ETS1: variants seen among roughly 807,000 people sequenced by gnomAD.
ETS1 encodes the protein ETS proto-oncogene 1, transcription factor.
Under a neutral mutation model 58.6 loss-of-function variants are expected in ETS1, and 15 were observed. The observed-to-expected ratio is 0.26, with a 90% CI of 0.17 to 0.39. The LOEUF is 0.39. Ranked by LOEUF, ETS1 falls within the 10% of genes least tolerant of loss-of-function variation. The pLI is 1.00. For missense variants in ETS1, 417 were observed against 610.5 expected (o/e 0.68, Z 3.34); for synonymous variants, 214 against 218.2 (o/e 0.98, Z 0.17).
chr11:128,515,251 G>A (rs1863491377), intron 3 of ETS1, among the ~76,000 whole-genome samples: 1 of 147,892 alleles, frequency 6.8e-6, no homozygotes, highest in South Asian at 2.2e-4. Context: ...TTATCTCTCT[G>A]TCACACACAC....
At chr11:128,522,466 A>C in intron 3 of ETS1, 1 of 544,428 alleles carries the variant, frequency 1.8e-6, no homozygotes, top group Non-Finnish European at 2.3e-6. Flanking sequence ...CAGGGCGGGG[A>C]GCCGGGGGCG....
At chr11:128,521,286 T>C (rs571982942) in intron 3 of ETS1, among the ~76,000 whole-genome samples, 2 of 152,336 alleles carry the variant, frequency 1.3e-5, no homozygotes, top group East Asian at 3.9e-4. Flanking sequence ...GAAAAATTTA[T>C]GGCAGATTAG....
At chr11:128,565,129 C>T (rs1333872412) in intron 2 of ETS1, among the ~76,000 whole-genome samples, 1 of 151,624 alleles carries the variant, frequency 6.6e-6, no homozygotes, top group Non-Finnish European at 1.5e-5. Context: ...TGTAAAACAC[C>T]AATGTGATAA....
At chr11:128,548,117 A>AAAGGT (rs1565405232) in intron 3 of ETS1, among the ~76,000 whole-genome samples, 1 of 77,768 alleles carries the variant, frequency 1.3e-5, no homozygotes, top group Admixed American at 1.5e-4. Flanking sequence ...AAAGGGAAGG[A>AAAGGT]AAGGAAAGGA....
intron 8 of ETS1, among the ~76,000 whole-genome samples, chr11:128,470,437 C>T (rs1160091180): frequency 1.3e-5 from 2 of 152,128 alleles, no homozygotes; most frequent in Non-Finnish European, 2.9e-5. Flanking sequence ...TCTCTCTGGG[C>T]TTTACTTTTT....
intron 3 of ETS1, among the ~76,000 whole-genome samples, chr11:128,544,521 T>C (rs1474892242): frequency 6.6e-6 from 1 of 151,764 alleles, no homozygotes; most frequent in East Asian, 1.9e-4. Flanking sequence ...TCAAAGACAT[T>C]GCAATTCCAT....
At chr11:128,494,091 A>G (rs1189330935) in intron 3 of ETS1, among the ~76,000 whole-genome samples, 1 of 152,254 alleles carries the variant, frequency 6.6e-6, no homozygotes, top group East Asian at 1.9e-4. Context: ...CACTACCTCC[A>G]TAGACATTAA....
chr11:128,558,667 A>C (rs1382644950), intron 2 of ETS1, among the ~76,000 whole-genome samples: 5 of 2,910 alleles, frequency 1.7e-3, no homozygotes, highest in African/African-American at 7.9e-3. Context: ...AAAAAAAAAA[A>C]AAAAAAAAAA....
chr11:128,585,813 A>G (rs527949736), intron 1 of ETS1, among the ~76,000 whole-genome samples: 30 of 152,332 alleles, frequency 2.0e-4, no homozygotes, highest in African/African-American at 6.7e-4. Flanking sequence ...TCTCTGTTAC[A>G]AAGCTAATCA....
intron 6 of ETS1, 81 bp downstream of exon 6, chr11:128,485,988 A>G (rs1862619913): frequency 1.3e-6 from 1 of 796,200 alleles, no homozygotes; most frequent in African/African-American, 1.7e-5. Context: ...ATTACCATGA[A>G]GGAGCCTGAG....
intron 2 of ETS1, among the ~76,000 whole-genome samples, chr11:128,563,339 A>C (rs1864436213): frequency 1.3e-5 from 2 of 152,212 alleles, no homozygotes; most frequent in Non-Finnish European, 2.9e-5. Flanking sequence ...ATGATTTGCC[A>C]CCATGGAAAT....
chr11:128,497,017 G>A (rs953406927), intron 3 of ETS1, among the ~76,000 whole-genome samples: 17 of 152,210 alleles, frequency 1.1e-4, no homozygotes, highest in African/African-American at 3.9e-4. Context: ...GTCTATTATT[G>A]TCCCAAACAA....
At chr11:128,565,537 C>A (rs1171164654) in intron 2 of ETS1, among the ~76,000 whole-genome samples, 1 of 152,100 alleles carries the variant, frequency 6.6e-6, no homozygotes, top group Non-Finnish European at 1.5e-5. Flanking sequence ...TCTGAATTTC[C>A]TGATATTGCA....
intron 3 of ETS1, among the ~76,000 whole-genome samples, chr11:128,537,041 A>G (rs529624987): frequency 1.3e-5 from 2 of 152,272 alleles, no homozygotes; most frequent in East Asian, 1.9e-4. Flanking sequence ...GCCTCACTGT[A>G]TGCAGTATCT....
At position 128,490,459 on chromosome 11, in the gene ETS1, T is replaced by C. The variant is rs1185034998; in HGVS notation, c.332A>G (p.Lys111Arg). The C allele has an allele frequency of 5.0e-6, 8 of 1,613,898 alleles. No individual in the cohort carries two copies. Among genetic ancestry groups the C allele is most frequent in the Admixed American group, 1.7e-5 (1 of 59,978 alleles). ...TTTTTCCAACTACAAAACCATACCT[T>C]TTGGGATCCCCAGTCGTTGCTGTTC... The part of the protein sequence containing the change: ...TKEQQRLGIP[K>R]DPRQWTETHV... The change falls in exon 4 of 10, where the codon AAA (lysine) becomes AGA (arginine). Residue 111 changes from lysine to arginine, a missense_variant and splice_region_variant. By Grantham distance (26) the Lys-to-Arg change is conservative. This residue lies in a region of ETS1 where 132 missense variants were observed against 212.1 expected (regional missense o/e 0.62). Transcript: ENST00000392668.
chr11:128,565,228 G>GGAAT (rs1864473114), intron 2 of ETS1, among the ~76,000 whole-genome samples: 1 of 152,148 alleles, frequency 6.6e-6, no homozygotes, highest in Non-Finnish European at 1.5e-5. Flanking sequence ...AGGACCTGAA[G>GGAAT]GAATGGGTTT....
chr11:128,478,873 A>C (rs1035891000), intron 8 of ETS1, among the ~76,000 whole-genome samples: 1 of 152,204 alleles, frequency 6.6e-6, no homozygotes, highest in Non-Finnish European at 1.5e-5. Context: ...CTTGAAAAGT[A>C]CTAAGTTCCT....
intron 3 of ETS1, among the ~76,000 whole-genome samples, chr11:128,550,564 A>G (rs534631925): frequency 6.6e-6 from 1 of 152,278 alleles, no homozygotes; most frequent in Non-Finnish European, 1.5e-5. Flanking sequence ...GCCCTCTCAG[A>G]GATGGGATGG....
At position 128,516,470 on chromosome 11, in the gene ETS1, T is replaced by A. The variant is rs1458398853; in HGVS notation, c.215-25894A>T. 2.6e-5 allele frequency among the ~76,000 whole-genome samples: 4 copies of A among 152,228 alleles called. No individual in the cohort carries two copies. In the South Asian group the frequency reaches 8.3e-4, roughly 32 times the overall value. On this transcript the variant is annotated intron_variant, in intron 3 of 9. Coordinates refer to ENST00000392668, the MANE Select transcript of ETS1 (RefSeq NM_001143820.2). ...GCTAAATAAAAACACGGAGATGATG[T>A]TGTTCATATACAAATTCCTCTCTGC...
Sources: allele counts gnomAD v4.1 joint callset (sites outside exome capture counted in the v4.1 genomes callset), GRCh38; gene constraint gnomAD v4.1.1; regional missense constraint gnomAD v4.1.1; transcripts MANE v1.5; gene names NCBI Gene and HGNC (gene_info 2026-07-23, HGNC 2026-07-21).